The following ZFYVE9 variants were observed in gnomAD, a reference collection of about 807,000 sequenced individuals.
The protein encoded by ZFYVE9 is zinc finger FYVE-type containing 9.
In ZFYVE9, 43 loss-of-function variants were observed where a neutral mutation model predicts 126.7. The observed-to-expected ratio is 0.34, with a 90% CI of 0.27 to 0.44. ZFYVE9 has a LOEUF of 0.44. ZFYVE9 is among the 20% of genes least tolerant of loss of function. The pLI, the probability that ZFYVE9 is intolerant of heterozygous loss-of-function variation, is 1.00. For missense variants in ZFYVE9, 1,476 were observed against 1,697.0 expected (o/e 0.87, Z 2.29); for synonymous variants, 521 against 597.4 (o/e 0.87, Z 1.87).
intron 3 of ZFYVE9, among the ~76,000 whole-genome samples, chr1:52,235,227 A>G (rs898755496): frequency 5.3e-4 from 81 of 152,276 alleles, no homozygotes; most frequent in African/African-American, 1.9e-3. Flanking sequence ...TATCACTTCA[A>G]GCCTCGTGTT....
intron 1 of ZFYVE9, among the ~76,000 whole-genome samples, chr1:52,152,936 G>A (rs1273345209): frequency 2.0e-5 from 3 of 152,224 alleles, no homozygotes; most frequent in Non-Finnish European, 4.4e-5. Flanking sequence ...GAATTGCCTA[G>A]GGAGAGCCTC....
rs577472849 is a variant in ZFYVE9, at chr1:52,222,157, T to TA, written c.-37+5684dup. ...TTAGGAAGTTAACTGAAATTGCTGTTACTTGATCCTTGTTATCTCCTGAGA... is the reference window on the plus strand; with the variant it reads ...TTAGGAAGTTAACTGAAATTGCTGTTAACTTGATCCTTGTTATCTCCTGAGA... On this transcript the variant is annotated intron_variant, in intron 2 of 18. Coordinates refer to ENST00000287727, the MANE Select transcript of ZFYVE9 (RefSeq NM_004799.4). Among the ~76,000 whole-genome samples, 3 of 152,342 alleles carry TA rather than the reference T, an allele frequency of 2.0e-5. No individual in the cohort carries two copies. The South Asian group carries it at 6.2e-4, about 32-fold the overall frequency.
intron 17 of ZFYVE9, among the ~76,000 whole-genome samples, 192 bp downstream of exon 17, chr1:52,340,423 G>A (rs926480438): frequency 6.6e-6 from 1 of 152,234 alleles, no homozygotes; most frequent in Admixed American, 6.5e-5. Context: ...GCACCTGTCT[G>A]ATGTATCCTC....
intron 13 of ZFYVE9, among the ~76,000 whole-genome samples, chr1:52,320,269 C>T (rs1262562068): frequency 6.6e-6 from 1 of 151,908 alleles, no homozygotes; most frequent in Non-Finnish European, 1.5e-5. Flanking sequence ...GGGGTTTCTC[C>T]ATGTTGGCCA....
At chr1:52,225,305 T>C (rs1457980935) in intron 2 of ZFYVE9, among the ~76,000 whole-genome samples, 2 of 152,092 alleles carry the variant, frequency 1.3e-5, no homozygotes, top group Non-Finnish European at 2.9e-5. Flanking sequence ...GGGATGCGTC[T>C]CCCCATGAAA....
At chr1:52,193,223 C>G (rs1030179170) in intron 1 of ZFYVE9, among the ~76,000 whole-genome samples, 7 of 152,034 alleles carry the variant, frequency 4.6e-5, no homozygotes, top group Non-Finnish European at 7.4e-5. Context: ...TCTTCATCAC[C>G]AGAGTAGTGC....
chr1:52,262,180 T>C (rs1158253975), intron 4 of ZFYVE9, among the ~76,000 whole-genome samples: 1 of 152,248 alleles, frequency 6.6e-6, no homozygotes, highest in Non-Finnish European at 1.5e-5. Context: ...GTTCTCACTC[T>C]AACTTCACAG....
chr1:52,274,333 A>T (rs1462120833), intron 7 of ZFYVE9, 131 bp from the exon 8 acceptor site: 2 of 1,144,062 alleles, frequency 1.7e-6, no homozygotes, highest in East Asian at 4.9e-5. Flanking sequence ...GGGTTAATGA[A>T]TATTTTGTGC....
At chr1:52,299,124 G>T (rs1200573205) in intron 12 of ZFYVE9, among the ~76,000 whole-genome samples, 1 of 152,082 alleles carries the variant, frequency 6.6e-6, no homozygotes, top group Non-Finnish European at 1.5e-5. Context: ...CAATGTTTTA[G>T]AGGTTTCTTT....
At chr1:52,149,240 C>A (rs529789547) in intron 1 of ZFYVE9, among the ~76,000 whole-genome samples, 2 of 151,800 alleles carry the variant, frequency 1.3e-5, no homozygotes, top group African/African-American at 2.4e-5. Flanking sequence ...CAATGGTTCC[C>A]TGTAGTATTT....
intron 13 of ZFYVE9, among the ~76,000 whole-genome samples, chr1:52,322,336 T>C (rs879864590): frequency 3.3e-5 from 5 of 152,020 alleles, no homozygotes; most frequent in African/African-American, 7.2e-5. Flanking sequence ...ATTAGTACCC[T>C]TGTCAGTCTG....
Position 52,263,885 on chromosome 1 carries a change from A to T in ZFYVE9, c.2278+13A>T. ...GTGCTAATGAATGGTAAGTATTAAA[A>T]CAGGTTGATTTCATAGTTATTGAGA... On this transcript the variant is annotated intron_variant, in intron 5 of 18. Coordinates refer to ENST00000287727, the MANE Select transcript of ZFYVE9 (RefSeq NM_004799.4). The T allele has an allele frequency of 6.5e-7, 1 of 1,531,532 alleles. No individual in the cohort carries two copies. Among genetic ancestry groups the T allele is most frequent in the South Asian group, 1.2e-5 (1 of 82,976 alleles). 94.9% of individuals were successfully genotyped at this position (1,531,532 alleles called of 1,614,324 possible).
At chr1:52,245,637 C>A (rs1373573688) in intron 4 of ZFYVE9, among the ~76,000 whole-genome samples, 1 of 152,182 alleles carries the variant, frequency 6.6e-6, no homozygotes, top group Non-Finnish European at 1.5e-5. Context: ...AACTCAGGGA[C>A]TTTGACTTCT....
chr1:52,260,297 C>T (rs1189864710), intron 4 of ZFYVE9, among the ~76,000 whole-genome samples: 2 of 151,854 alleles, frequency 1.3e-5, no homozygotes, highest in African/African-American at 2.4e-5. Flanking sequence ...ATCTGTTGGC[C>T]ATTTTATTTA....
chr1:52,225,489 C>G (rs1645162017), intron 2 of ZFYVE9, among the ~76,000 whole-genome samples: 1 of 152,158 alleles, frequency 6.6e-6, no homozygotes, highest in African/African-American at 2.4e-5. Flanking sequence ...CAAGAGCACA[C>G]CAAACGAAGG....
intron 13 of ZFYVE9, among the ~76,000 whole-genome samples, chr1:52,322,526 C>T (rs2147860433): frequency 6.6e-6 from 1 of 151,010 alleles, no homozygotes; most frequent in South Asian, 2.1e-4. Context: ...TACAGGTGTG[C>T]ACCACCATGC....
At chr1:52,339,716 G>A (rs1390012353) in intron 16 of ZFYVE9, among the ~76,000 whole-genome samples, 1 of 152,170 alleles carries the variant, frequency 6.6e-6, no homozygotes, top group Admixed American at 6.6e-5. Context: ...TGTAAGTCAG[G>A]TATGCAAACA....
chr1:52,233,249 G>GT lies in ZFYVE9; in HGVS notation c.44dup (p.Leu16ValfsTer3). 1 of 1,584,282 alleles carries GT rather than the reference G, an allele frequency of 6.3e-7. No individual in the cohort carries two copies. Among genetic ancestry groups the GT allele is most frequent in the Non-Finnish European group, 8.6e-7 (1 of 1,162,494 alleles). ...AGCAGAAGCTTACAACCTGGACAAG[G>GT]TGTTAGATGAATTTGAACAAAACGA... On this transcript the variant is annotated frameshift_variant, in exon 3 of 19. Coordinates refer to ENST00000287727, the MANE Select transcript of ZFYVE9 (RefSeq NM_004799.4). LOFTEE classifies it high-confidence loss of function.
intron 4 of ZFYVE9, among the ~76,000 whole-genome samples, chr1:52,249,736 A>G (rs1422692817): frequency 6.6e-6 from 1 of 152,176 alleles, no homozygotes; most frequent in Non-Finnish European, 1.5e-5. Context: ...GTTGTCTTCT[A>G]AGTGTTTTGC....
Sources: gnomAD v4.1 joint callset for allele counts (sites outside exome capture counted in the v4.1 genomes callset) on GRCh38, gnomAD v4.1.1 for gene constraint, MANE v1.5 for transcripts, NCBI Gene and HGNC (gene_info 2026-07-23, HGNC 2026-07-21) for gene names.